The following NRXN3 variants were observed in gnomAD, a reference collection of about 807,000 sequenced individuals.
The protein encoded by NRXN3 is neurexin III.
In NRXN3, 32 loss-of-function variants were observed where a neutral mutation model predicts 137.6. The observed-to-expected ratio is 0.23, with a 90% confidence interval of 0.18 to 0.31. The LOEUF (loss-of-function observed/expected upper bound fraction) is 0.31. NRXN3 is among the 10% of genes least tolerant of loss of function. NRXN3 has a pLI of 1.00. For synonymous variants in NRXN3, 798 were observed against 784.5 expected, an observed-to-expected ratio of 1.02 and a Z score of -0.29; for missense variants, 1,574 against 2,062.5, an observed-to-expected ratio of 0.76 and a Z score of 4.59.
chr14:78,382,573 A>G (rs191809171), intron 4 of NRXN3, among the ~76,000 whole-genome samples: 1 of 152,336 alleles, frequency 6.6e-6, no homozygotes, highest in East Asian at 1.9e-4. Flanking sequence ...TACCTGGAAG[A>G]GACTGAAGTA....
rs535737565 is a variant in NRXN3 at position 79,026,595 on chromosome 14, A to G, written c.3262+38454A>G. 1.1e-4 allele frequency among the ~76,000 whole-genome samples: 16 copies of G among 152,280 alleles called. No individual in the cohort carries two copies. In the East Asian group the frequency reaches 2.5e-3, roughly 24 times the overall value. On this transcript the variant is annotated intron_variant, in intron 15 of 20. Coordinates refer to ENST00000335750, the MANE Select transcript of NRXN3 (RefSeq NM_001330195.2). ...ATAAACTCATTTCAATAAGGAAAAAATATCACCCCAGTAACGGAACTGCAG... is the reference window on the plus strand; with the variant it reads ...ATAAACTCATTTCAATAAGGAAAAAGTATCACCCCAGTAACGGAACTGCAG...
intron 4 of NRXN3, among the ~76,000 whole-genome samples, chr14:78,470,828 A>G (rs1255559247): frequency 1.3e-5 from 2 of 152,180 alleles, no homozygotes; most frequent in Admixed American, 1.3e-4. Flanking sequence ...CGATCCTCAC[A>G]ACTGTCCTGG....
At chr14:78,805,722 T>C (rs927319470) in intron 9 of NRXN3, among the ~76,000 whole-genome samples, 4 of 152,136 alleles carry the variant, frequency 2.6e-5, no homozygotes, top group African/African-American at 9.7e-5. Flanking sequence ...ATGAGAATGA[T>C]TCAGCCCCAC....
intron 17 of NRXN3, among the ~76,000 whole-genome samples, chr14:79,679,296 G>A (rs2098657443): frequency 6.6e-6 from 1 of 152,050 alleles, no homozygotes; most frequent in African/African-American, 2.4e-5. Flanking sequence ...GTGCTAGCAT[G>A]TAGTTAATAT....
chr14:79,342,381 A>T (rs1456119903), intron 15 of NRXN3, among the ~76,000 whole-genome samples: 2 of 152,164 alleles, frequency 1.3e-5, no homozygotes, highest in Admixed American at 1.3e-4. Context: ...ATTCTTCTGA[A>T]CCAAATACAT....
intron 15 of NRXN3, among the ~76,000 whole-genome samples, chr14:79,193,053 G>T (rs1487400756): frequency 6.6e-6 from 1 of 151,882 alleles, no homozygotes; most frequent in South Asian, 2.1e-4. Context: ...ACAGGCGTGA[G>T]CCACCACGCC....
At chr14:78,405,083 T>C (rs775576930) in intron 4 of NRXN3, among the ~76,000 whole-genome samples, 2 of 152,214 alleles carry the variant, frequency 1.3e-5, no homozygotes, top group African/African-American at 4.8e-5. Flanking sequence ...TACAGTGACA[T>C]GGACTACAGA....
In NRXN3 at chr14:78,766,751, G is replaced by A. The variant is rs545205035; in HGVS notation, c.2045-36869G>A. On this transcript the variant is annotated intron_variant, in intron 8 of 20. Transcript: ENST00000335750. ...TCAGCAGCATATAGTGTCTTGGAAAGAGCATGGGCTTTGCGGTCAGATAGA... is the reference window on the plus strand; with the variant it reads ...TCAGCAGCATATAGTGTCTTGGAAAAAGCATGGGCTTTGCGGTCAGATAGA... Among the ~76,000 whole-genome samples, 3 of 152,342 alleles carry A rather than the reference G, an allele frequency of 2.0e-5. No homozygotes were observed. The Middle Eastern group carries it at 0.01, about 518-fold the overall frequency.
chr14:78,736,362 A>AT (rs2152917123), intron 8 of NRXN3, among the ~76,000 whole-genome samples: 1 of 152,312 alleles, frequency 6.6e-6, no homozygotes, highest in South Asian at 2.1e-4. Flanking sequence ...AAGTGAAATT[A>AT]TTTAAGTTTT....
chr14:78,968,132 T>C, intron 13 of NRXN3, 41 bp from the exon 14 acceptor site: 6 of 1,286,528 alleles, frequency 4.7e-6, no homozygotes, highest in Non-Finnish European at 6.2e-6. Flanking sequence ...GGTCACCACA[T>C]CCTTTACTCA....
At chr14:79,643,000 C>A (rs2098439511) in intron 16 of NRXN3, among the ~76,000 whole-genome samples, 1 of 135,830 alleles carries the variant, frequency 7.4e-6, no homozygotes, top group African/African-American at 2.5e-5. Flanking sequence ...GCCAGCAGAA[C>A]AAAATTCTTC....
Position 79,200,998 on chromosome 14 carries a change from G to C in NRXN3, c.3262+212857G>C, listed in dbSNP as rs529564260. On this transcript the variant is annotated intron_variant, in intron 15 of 20. Coordinates refer to ENST00000335750, the MANE Select transcript of NRXN3 (RefSeq NM_001330195.2). ...TATTCTTTGAGCTAAATAATACTAA[G>C]AAATTTAGGCTTTCTTTATGGTCAT... The C allele has an allele frequency of 4.6e-5, 7 of 152,108 alleles. No individual in the cohort carries two copies. In the South Asian group the frequency reaches 8.3e-4, roughly 18 times the overall value. The allele number at this position is 152,108 out of a possible 1,614,324, so 9.4% of individuals were successfully genotyped here.
At chr14:79,014,014 TAGTC>T (rs1199603933) in intron 15 of NRXN3, among the ~76,000 whole-genome samples, 1 of 152,172 alleles carries the variant, frequency 6.6e-6, no homozygotes, top group East Asian at 1.9e-4. Flanking sequence ...TATGAAGTCT[TAGTC>T]AGAATCAAAG....
chr14:78,561,691 T>C (rs1348039994), intron 4 of NRXN3, among the ~76,000 whole-genome samples: 1 of 152,208 alleles, frequency 6.6e-6, no homozygotes, highest in Non-Finnish European at 1.5e-5. Context: ...TCCTGGAACA[T>C]ACTCCAATTT....
chr14:78,191,914 A>G (rs925220315), intron 1 of NRXN3, among the ~76,000 whole-genome samples: 4 of 151,730 alleles, frequency 2.6e-5, no homozygotes, highest in African/African-American at 9.7e-5. Context: ...GGCCCTGGTG[A>G]GGGGGGGAGG....
chr14:78,250,073 G>T, intron 2 of NRXN3: 1 of 516,318 alleles, frequency 1.9e-6, no homozygotes, highest in Non-Finnish European at 3.9e-6. Flanking sequence ...CTTGACATGC[G>T]ATTATGATTC....
intron 15 of NRXN3, among the ~76,000 whole-genome samples, chr14:79,267,437 C>A (rs561445831): frequency 2.0e-5 from 3 of 151,614 alleles, no homozygotes; most frequent in African/African-American, 7.3e-5. Context: ...TGGCTCACTG[C>A]AACCTGCACC....
rs1293071711 is a variant in NRXN3 at position 78,677,530 on chromosome 14, TA to T, written c.1221+26208del. On this transcript the variant is annotated intron_variant, in intron 6 of 20. Transcript: ENST00000335750. The stretch of plus-strand genomic sequence containing the variant: ...GGAGTTGCTTCTTATGGATTTGCAA[TA>T]AAAGAGCAGTTTCTTGAGATGGAAT... Among the ~76,000 whole-genome samples, 13 of 152,162 alleles carry T rather than the reference TA, an allele frequency of 8.5e-5. No homozygotes were observed. The East Asian group carries it at 1.9e-3, about 23-fold the overall frequency.
At chr14:79,211,082 T>C (rs1292794771) in intron 15 of NRXN3, among the ~76,000 whole-genome samples, 1 of 152,162 alleles carries the variant, frequency 6.6e-6, no homozygotes, top group Non-Finnish European at 1.5e-5. Flanking sequence ...TGTTAATTTC[T>C]TCATATGCAG....
Sources: gnomAD v4.1 joint callset for allele counts (sites outside exome capture counted in the v4.1 genomes callset) on GRCh38, gnomAD v4.1.1 for gene constraint, MANE v1.5 for transcripts, NCBI Gene and HGNC (gene_info 2026-07-23, HGNC 2026-07-21) for gene names.